The following RPS6KC1 variants were observed in gnomAD, a reference collection of about 807,000 sequenced individuals.
RPS6KC1 encodes the protein ribosomal protein S6 kinase C1.
In RPS6KC1, 54 loss-of-function variants were observed where a neutral mutation model predicts 103.8. The ratio of observed to expected loss-of-function variants is 0.52; its 90% CI spans 0.42 to 0.65. The LOEUF (loss-of-function observed/expected upper bound fraction) is 0.65, where lower values mean the gene tolerates loss of function less well. Among genes scored for constraint, RPS6KC1 ranks in the 30% least tolerant of loss-of-function variants. RPS6KC1 has a pLI of 0.00. For synonymous variants in RPS6KC1, 439 were observed against 438.7 expected, an observed-to-expected ratio of 1.00 and a Z score of -0.01; for missense variants, 1,151 against 1,253.8, an observed-to-expected ratio of 0.92 and a Z score of 1.24.
At chr1:213,605,220 C>T in the RPS6KC1 span, among the ~76,000 whole-genome samples, 23 of 152,284 alleles carry the variant, frequency 1.5e-4, no homozygotes, top group Admixed American at 2.6e-4. Flanking sequence ...TTTATCCCCT[C>T]ATCACTTAGT....
At chr1:213,656,148 A>C in the RPS6KC1 span, among the ~76,000 whole-genome samples, 1 of 152,224 alleles carries the variant, frequency 6.6e-6, no homozygotes, top group Non-Finnish European at 1.5e-5. Flanking sequence ...GATGAGGAAC[A>C]TGGGCACAGA....
chr1:213,339,487 G>A, the RPS6KC1 span, among the ~76,000 whole-genome samples: 12 of 152,296 alleles, frequency 7.9e-5, no homozygotes, highest in African/African-American at 2.4e-4. Flanking sequence ...GTTGCTTTAA[G>A]CAACTGGGTT....
chr1:213,422,102 G>A, the RPS6KC1 span, among the ~76,000 whole-genome samples: 4 of 152,100 alleles, frequency 2.6e-5, no homozygotes, highest in East Asian at 5.8e-4. Context: ...CATTCACATC[G>A]CCACTGTCCA....
At chr1:213,364,131 G>C in the RPS6KC1 span, among the ~76,000 whole-genome samples, 1 of 152,090 alleles carries the variant, frequency 6.6e-6, no homozygotes, top group Admixed American at 6.5e-5. Flanking sequence ...TAGCACAAAA[G>C]TAACTACAGA....
intron 8 of RPS6KC1, among the ~76,000 whole-genome samples, chr1:213,225,274 A>G (rs539902625): frequency 3.9e-4 from 59 of 152,312 alleles, no homozygotes; most frequent in Non-Finnish European, 6.9e-4. Flanking sequence ...AAAAAATCAC[A>G]TATGTTCTTG....
chr1:213,098,889 A>C lies in RPS6KC1; in HGVS notation c.263-5565A>C, dbSNP rs76999579. Reference sequence around the variant, plus strand: ...TGTGAAGAGCAGTAAATTGAAATTCAATAAGATGAGGTATATAATATTGCA... The same window carrying C: ...TGTGAAGAGCAGTAAATTGAAATTCCATAAGATGAGGTATATAATATTGCA... On this transcript the variant is annotated intron_variant, in intron 3 of 14. Coordinates refer to ENST00000366960, the MANE Select transcript of RPS6KC1 (RefSeq NM_012424.6). Among the ~76,000 whole-genome samples the C allele has an allele frequency of 4.6e-5, 7 of 152,354 alleles. No individual in the cohort carries two copies. The East Asian group carries it at 1.4e-3, about 29-fold the overall frequency.
intron 12 of RPS6KC1, among the ~76,000 whole-genome samples, chr1:213,254,093 G>A (rs189628775): frequency 2.6e-5 from 4 of 152,116 alleles, no homozygotes; most frequent in Non-Finnish European, 5.9e-5. Flanking sequence ...TAAAGCAAAG[G>A]TAGGCAAAGC....
chr1:213,743,261 T>C, the RPS6KC1 span, among the ~76,000 whole-genome samples: 13 of 152,160 alleles, frequency 8.5e-5, no homozygotes, highest in South Asian at 4.1e-4. Flanking sequence ...CTGGAAGCCA[T>C]TATCCTAAGC....
In RPS6KC1 at chr1:213,119,876, G is replaced by A. The variant is rs538884327; in HGVS notation, c.472+2466G>A. 9.2e-3 allele frequency among the ~76,000 whole-genome samples: 1,399 copies of A among 152,244 alleles called. 41 individuals are homozygous for A. Among genetic ancestry groups the A allele is most frequent in the East Asian group, 0.068 (353 of 5,168 alleles). ...AGGAGACACAACCTAAAGCTAGGGTGAGCATGTAGTTTATTCTCCAAACTG... is the reference window on the plus strand; with the variant it reads ...AGGAGACACAACCTAAAGCTAGGGTAAGCATGTAGTTTATTCTCCAAACTG... On this transcript the variant is annotated intron_variant, in intron 5 of 14. Coordinates refer to ENST00000366960, the MANE Select transcript of RPS6KC1 (RefSeq NM_012424.6).
At chr1:213,802,017 G>A in the RPS6KC1 span, among the ~76,000 whole-genome samples, 1 of 152,326 alleles carries the variant, frequency 6.6e-6, no homozygotes, top group Admixed American at 6.5e-5. Flanking sequence ...TGTATACTCA[G>A]TTATTTTTTT....
chr1:213,547,994 G>C, the RPS6KC1 span, among the ~76,000 whole-genome samples: 1 of 152,362 alleles, frequency 6.6e-6, no homozygotes, highest in African/African-American at 2.4e-5. Context: ...TTTCATAGAA[G>C]TGTCGTTGGT....
At chr1:213,604,293 A>G in the RPS6KC1 span, among the ~76,000 whole-genome samples, 2 of 152,390 alleles carry the variant, frequency 1.3e-5, no homozygotes, top group Admixed American at 6.5e-5. Flanking sequence ...ACGTGATTCA[A>G]GAAACTTTCC....
At chr1:213,700,223 T>C in the RPS6KC1 span, among the ~76,000 whole-genome samples, 2 of 152,110 alleles carry the variant, frequency 1.3e-5, no homozygotes, top group South Asian at 4.1e-4. Flanking sequence ...ATTTGGTGTT[T>C]GTATATGGTG....
the RPS6KC1 span, among the ~76,000 whole-genome samples, chr1:213,771,111 T>C: frequency 7.6e-6 from 1 of 132,110 alleles, no homozygotes; most frequent in Admixed American, 8.1e-5. Flanking sequence ...TTCCTTAGTC[T>C]CCTTCTCTCT....
intron 10 of RPS6KC1, among the ~76,000 whole-genome samples, chr1:213,234,423 C>CGTT (rs1026207467): frequency 7.2e-5 from 11 of 152,116 alleles, no homozygotes; most frequent in Non-Finnish European, 1.5e-4. Flanking sequence ...TAATAGATAA[C>CGTT]AACTGGGGGA....
At chr1:213,781,203 G>A in the RPS6KC1 span, among the ~76,000 whole-genome samples, 1 of 152,164 alleles carries the variant, frequency 6.6e-6, no homozygotes. Context: ...TCCTTTGTCA[G>A]AGCAGTTTAA....
At chr1:213,570,435 T>A in the RPS6KC1 span, among the ~76,000 whole-genome samples, 1 of 152,176 alleles carries the variant, frequency 6.6e-6, no homozygotes, top group Non-Finnish European at 1.5e-5. Context: ...ACGTCCCAAC[T>A]GAAAAAGAGA....
the RPS6KC1 span, among the ~76,000 whole-genome samples, chr1:213,801,365 T>C: frequency 6.6e-6 from 1 of 152,236 alleles, no homozygotes; most frequent in Non-Finnish European, 1.5e-5. Context: ...TGTAATTCTG[T>C]TTCCTTTTCC....
intron 6 of RPS6KC1, among the ~76,000 whole-genome samples, chr1:213,163,162 G>A (rs2090638722): frequency 6.6e-6 from 1 of 152,186 alleles, no homozygotes; most frequent in Admixed American, 6.5e-5. Context: ...CATCTCAAGT[G>A]TGAGTTTTCT....
Sources: gnomAD v4.1 joint callset for allele counts (sites outside exome capture counted in the v4.1 genomes callset) on GRCh38, gnomAD v4.1.1 for gene constraint, MANE v1.5 for transcripts, NCBI Gene and HGNC (gene_info 2026-07-23, HGNC 2026-07-21) for gene names.